CNTNAP5: variants seen among roughly 807,000 people sequenced by gnomAD.
CNTNAP5 encodes the protein contactin-associated protein-like 5.
A neutral mutation model predicts 150.2 loss-of-function variants in CNTNAP5; 72 were observed. The ratio of observed to expected loss-of-function variants is 0.48; its 90% CI spans 0.40 to 0.58. The LOEUF (loss-of-function observed/expected upper bound fraction) is 0.58. Among genes scored for constraint, CNTNAP5 ranks in the 20% least tolerant of loss-of-function variants. CNTNAP5 has a pLI of 0.00. For synonymous variants in CNTNAP5, 672 were observed against 619.8 expected (o/e 1.08, Z -1.25); for missense variants, 1,636 against 1,626.2 (o/e 1.01, Z -0.10).
At chr2:124,746,820 C>T (rs1039995921) in intron 13 of CNTNAP5, among the ~76,000 whole-genome samples, 28 of 152,180 alleles carry the variant, frequency 1.8e-4, no homozygotes, top group African/African-American at 6.3e-4. Context: ...TCTGACCTAA[C>T]TTACTCAATC....
intron 20 of CNTNAP5, among the ~76,000 whole-genome samples, chr2:124,868,308 C>G (rs943989034): frequency 1.3e-5 from 2 of 152,122 alleles, no homozygotes; most frequent in Non-Finnish European, 2.9e-5. Flanking sequence ...ATCTGACACC[C>G]CTGCTCATTT....
intron 16 of CNTNAP5, among the ~76,000 whole-genome samples, chr2:124,769,823 A>G (rs1681152166): frequency 1.3e-5 from 2 of 152,180 alleles, no homozygotes; most frequent in South Asian, 4.1e-4. Flanking sequence ...ACACTGGGTC[A>G]GCTTACTTAG....
chr2:124,242,798 T>C (rs1186503599), intron 3 of CNTNAP5, among the ~76,000 whole-genome samples: 2 of 152,358 alleles, frequency 1.3e-5, no homozygotes, highest in Non-Finnish European at 2.9e-5. Flanking sequence ...ACAACACAGC[T>C]AGCTCAATTA....
At chr2:124,681,658 G>A (rs900528765) in intron 13 of CNTNAP5, among the ~76,000 whole-genome samples, 8 of 152,150 alleles carry the variant, frequency 5.3e-5, no homozygotes, top group African/African-American at 1.9e-4. Context: ...CCACCTCCCT[G>A]GTTCAAGCTA....
chr2:124,707,641 G>T (rs933052200), intron 13 of CNTNAP5, among the ~76,000 whole-genome samples: 2 of 152,156 alleles, frequency 1.3e-5, no homozygotes, highest in African/African-American at 4.8e-5. Context: ...GGAGGGATTT[G>T]AAGGTGGGAG....
chr2:124,876,849 A>C (rs76894266), intron 21 of CNTNAP5, among the ~76,000 whole-genome samples: 6,295 of 152,066 alleles, frequency 0.041, 434 homozygotes, highest in African/African-American at 0.14. Flanking sequence ...TTGGGTAATA[A>C]AGTATTTTAG....
chr2:124,899,295 T>C (rs72963899), intron 21 of CNTNAP5, among the ~76,000 whole-genome samples: 4,578 of 151,448 alleles, frequency 0.03, 431 homozygotes, highest in African/African-American at 0.11. Flanking sequence ...GGGGATAACA[T>C]TGAAGAAACA....
intron 3 of CNTNAP5, among the ~76,000 whole-genome samples, chr2:124,258,683 T>A (rs115877214): frequency 6.1e-4 from 93 of 152,244 alleles, no homozygotes; most frequent in Non-Finnish European, 1.2e-3. Context: ...GACTGTGCTA[T>A]CCTGTGCCTC....
At chr2:124,870,390 T>G (rs1677719686) in intron 21 of CNTNAP5, among the ~76,000 whole-genome samples, 1 of 152,114 alleles carries the variant, frequency 6.6e-6, no homozygotes. Context: ...GCCTCTTTTC[T>G]CATTCTTTTT....
intron 1 of CNTNAP5, 102 bp from the exon 2 acceptor site, chr2:124,221,603 G>A: frequency 1.3e-6 from 1 of 761,968 alleles, no homozygotes; most frequent in Non-Finnish European, 2.2e-6. Context: ...CAGAGCAGGT[G>A]GTTAATAAAT....
chr2:124,675,752 ATTG>A (rs1678926631), intron 13 of CNTNAP5, among the ~76,000 whole-genome samples: 1 of 152,120 alleles, frequency 6.6e-6, no homozygotes, highest in Non-Finnish European at 1.5e-5. Flanking sequence ...TTGTCGAGAT[ATTG>A]TTGTCATATT....
chr2:124,598,924 C>T (rs1401168129), intron 11 of CNTNAP5, among the ~76,000 whole-genome samples: 1 of 152,030 alleles, frequency 6.6e-6, no homozygotes, highest in Non-Finnish European at 1.5e-5. Flanking sequence ...CGTCCGTCAC[C>T]CCTTTCTTTG....
chr2:124,552,149 G>A (rs1695642232), intron 10 of CNTNAP5, among the ~76,000 whole-genome samples: 1 of 152,144 alleles, frequency 6.6e-6, no homozygotes. Flanking sequence ...GTTATCAGAT[G>A]AGCTTAATCC....
intron 1 of CNTNAP5, among the ~76,000 whole-genome samples, chr2:124,052,832 A>G (rs997716436): frequency 4.0e-5 from 6 of 151,798 alleles, no homozygotes; most frequent in Non-Finnish European, 8.8e-5. Flanking sequence ...ATTATTCTGA[A>G]CTCTTGGCAG....
At chr2:124,799,507 G>T (rs1349903319) in intron 19 of CNTNAP5, among the ~76,000 whole-genome samples, 2 of 152,190 alleles carry the variant, frequency 1.3e-5, no homozygotes, top group East Asian at 1.9e-4. Flanking sequence ...TCATAAGATG[G>T]GGCTGGGCCT....
At chr2:124,297,313 G>C (rs768549515) in intron 3 of CNTNAP5, among the ~76,000 whole-genome samples, 4 of 152,130 alleles carry the variant, frequency 2.6e-5, no homozygotes, top group Non-Finnish European at 4.4e-5. Flanking sequence ...TTTGACTTCC[G>C]TCGCAGCACC....
chr2:124,830,159 CA>C (rs1553446808), intron 19 of CNTNAP5, among the ~76,000 whole-genome samples: 2 of 151,598 alleles, frequency 1.3e-5, no homozygotes, highest in Non-Finnish European at 2.9e-5. Flanking sequence ...ATATTTTAAT[CA>C]AAAAGACTTA....
chr2:124,227,638 GTA>G (rs149728141), intron 2 of CNTNAP5, among the ~76,000 whole-genome samples: 1,708 of 130,064 alleles, frequency 0.013, 28 homozygotes, highest in African/African-American at 0.041. Context: ...CACATCGTGT[GTA>G]TGTGTGTGTG....
chr2:124,783,196 G>C (rs972671149), intron 17 of CNTNAP5, among the ~76,000 whole-genome samples: 3 of 152,122 alleles, frequency 2.0e-5, no homozygotes, highest in Admixed American at 2.0e-4. Context: ...TGTTCAGTTT[G>C]TGAAAAATTA....
Sources: allele counts gnomAD v4.1 joint callset (sites outside exome capture counted in the v4.1 genomes callset), GRCh38; gene constraint gnomAD v4.1.1; transcripts MANE v1.5; gene names NCBI Gene and HGNC (gene_info 2026-07-23, HGNC 2026-07-21).